PCDHA6: variants seen among roughly 807,000 people sequenced by gnomAD.
PCDHA6 encodes the protein protocadherin alpha-6.
A neutral mutation model predicts 60.3 loss-of-function variants in PCDHA6; 55 were observed. The observed-to-expected ratio is 0.91, with a 90% CI of 0.73 to 1.14. The LOEUF (loss-of-function observed/expected upper bound fraction) is 1.14. PCDHA6 is among the 50% of genes most tolerant of loss of function. The pLI, the probability that PCDHA6 is intolerant of heterozygous loss-of-function variation, is 0.00. For synonymous variants in PCDHA6, 652 were observed against 557.9 expected (o/e 1.17, Z -2.38); for missense variants, 1,327 against 1,256.5 (o/e 1.06, Z -0.85).
chr5:140,981,787 T>C (rs2096951436), intron 2 of PCDHA6, among the ~76,000 whole-genome samples: 1 of 152,116 alleles, frequency 6.6e-6, no homozygotes, highest in Non-Finnish European at 1.5e-5. Flanking sequence ...CCATGTTCTC[T>C]TTTCCCTTGA....
At chr5:140,882,088 T>G (rs1334008975) in intron 1 of PCDHA6, 3 of 1,087,274 alleles carry the variant, frequency 2.8e-6, no homozygotes, top group African/African-American at 1.6e-5. Flanking sequence ...CGCTCTTCAC[T>G]GAGAACGTTT....
At chr5:140,923,888 G>A (rs575485843) in intron 1 of PCDHA6, among the ~76,000 whole-genome samples, 1 of 152,294 alleles carries the variant, frequency 6.6e-6, no homozygotes, top group Admixed American at 6.5e-5. Context: ...GTGTGAAAGA[G>A]GAGGAGTTTC....
Position 140,842,949 on chromosome 5 carries a change from C to T in PCDHA6, c.2394+12464C>T. On this transcript the variant is annotated intron_variant, in intron 1 of 3. Coordinates refer to ENST00000529310, the MANE Select transcript of PCDHA6 (RefSeq NM_018909.4). Reference sequence around the variant, plus strand: ...GTGAGCGCGCGCGACGCGGGCGTGCCGCCTCTGGGCAGCAACGTGACGCTG... The same window carrying T: ...GTGAGCGCGCGCGACGCGGGCGTGCTGCCTCTGGGCAGCAACGTGACGCTG... The T allele has an allele frequency of 3.1e-6, 5 of 1,594,666 alleles. 1 individual carries two copies. The highest frequency in any genetic ancestry group is 4.3e-6 in the Non-Finnish European group (5 of 1,165,460).
chr5:140,972,552 T>G (rs1247039171), intron 1 of PCDHA6, among the ~76,000 whole-genome samples: 1 of 152,160 alleles, frequency 6.6e-6, no homozygotes, highest in Admixed American at 6.5e-5. Flanking sequence ...CAGTGAGGAT[T>G]CTGAAGTAAC....
In PCDHA6 at chr5:140,839,872, A is replaced by G. The variant is rs1331265354; in HGVS notation, c.2394+9387A>G. ...TTACTTTTGAGGTGGACTTTGAAAG[A>G]TGAATAGAATTTTGACAGAAAAAGA... is the stretch of plus-strand genomic sequence containing the variant. On this transcript the variant is annotated intron_variant, in intron 1 of 3. Coordinates refer to ENST00000529310, the MANE Select transcript of PCDHA6 (RefSeq NM_018909.4). Among the ~76,000 whole-genome samples, 10 of 152,164 alleles carry G rather than the reference A, an allele frequency of 6.6e-5. 1 individual carries two copies. Among genetic ancestry groups the G allele is most frequent in the African/African-American group, 1.9e-4 (8 of 41,502 alleles).
Position 141,010,440 on chromosome 5 carries a change from A to G in PCDHA6, c.*503A>G, listed in dbSNP as rs1279403327. 3 of 984,540 alleles carry G rather than the reference A, an allele frequency of 3.0e-6. No individual in the cohort carries two copies. Among genetic ancestry groups the G allele is most frequent in the Admixed American group, 5.9e-5 (2 of 34,150 alleles). The allele number at this position is 984,540 out of a possible 1,614,324, so 61.0% of individuals were successfully genotyped here. On this transcript the variant is annotated 3_prime_UTR_variant, in exon 4 of 4. Transcript: ENST00000529310. The stretch of plus-strand genomic sequence containing the variant: ...CAAGGAAGGCAAGAAAACAAAGACA[A>G]ATAAACAGCGGAAGTTATCAGTATG...
Position 140,858,600 on chromosome 5 carries a change from TA to T in PCDHA6, c.2394+28119del, listed in dbSNP as rs1554151860. 9.3e-6 allele frequency: 12 copies of T among 1,293,864 alleles called. 1 individual carries two copies. Among genetic ancestry groups the T allele is most frequent in the Non-Finnish European group, 1.3e-5 (12 of 949,282 alleles). 80.1% of individuals were successfully genotyped at this position (1,293,864 alleles called of 1,614,324 possible). ...GTAATATAATTTATTCCAGGAGTTT[TA>T]AAATTTTTTTATCCTACCCAGTGTG... is the stretch of plus-strand genomic sequence containing the variant. On this transcript the variant is annotated intron_variant, in intron 1 of 3. Coordinates refer to ENST00000529310, the MANE Select transcript of PCDHA6 (RefSeq NM_018909.4).
intron 3 of PCDHA6, among the ~76,000 whole-genome samples, chr5:141,008,010 T>C (rs2098356270): frequency 6.6e-6 from 1 of 152,214 alleles, no homozygotes; most frequent in African/African-American, 2.4e-5. Context: ...TAAACTTCTG[T>C]TTCCTTTTTT....
Position 140,828,295 on chromosome 5 carries a change from C to CA in PCDHA6, c.207dup (p.Asp70ArgfsTer58). On this transcript the variant is annotated frameshift_variant, in exon 1 of 4. Transcript: ENST00000529310. LOFTEE classifies it high-confidence loss of function. The stretch of plus-strand genomic sequence containing the variant: ...TGCCGCGCCTGTTCAGGATGGCCTC[C>CA]AAAGACCGCGAGGACCTTCTGGAGG... 6.2e-7 allele frequency: 1 copy of CA among 1,614,124 alleles called. No individual in the cohort carries two copies. The highest frequency in any genetic ancestry group is 8.5e-7 in the Non-Finnish European group (1 of 1,180,038).
At chr5:140,899,789 G>A (rs1200461877) in intron 1 of PCDHA6, among the ~76,000 whole-genome samples, 17 of 152,024 alleles carry the variant, frequency 1.1e-4, no homozygotes, top group Admixed American at 9.8e-4. Context: ...GGTATAATTC[G>A]GCTGTGAATC....
At chr5:140,965,352 T>C (rs1474672624) in intron 1 of PCDHA6, among the ~76,000 whole-genome samples, 1 of 152,166 alleles carries the variant, frequency 6.6e-6, no homozygotes, top group Admixed American at 6.5e-5. Context: ...GTTGCCTCTA[T>C]AGCAGTACAA....
chr5:140,891,096 T>A (rs926770209), intron 1 of PCDHA6, among the ~76,000 whole-genome samples: 1 of 152,210 alleles, frequency 6.6e-6, no homozygotes, highest in African/African-American at 2.4e-5. Context: ...ATTGTTGCTG[T>A]CAAGAATTTA....
chr5:140,891,742 A>T (rs2063228656), intron 1 of PCDHA6, among the ~76,000 whole-genome samples: 1 of 152,150 alleles, frequency 6.6e-6, no homozygotes, highest in African/African-American at 2.4e-5. Context: ...TCAATCCCTT[A>T]TACAACAGTG....
chr5:140,835,788 C>A (rs2150244691), intron 1 of PCDHA6: 4 of 1,613,044 alleles, frequency 2.5e-6, no homozygotes, highest in South Asian at 2.2e-5. Flanking sequence ...GGAGAACAAC[C>A]CGCCGGGCTG....
At chr5:140,876,709 C>T (rs782033453) in intron 1 of PCDHA6, 1 of 1,614,248 alleles carries the variant, frequency 6.2e-7, no homozygotes, top group Non-Finnish European at 8.5e-7. Context: ...GGACAGCGCC[C>T]TGGACCGCGA....
chr5:140,920,841 T>TAA (rs781921146), intron 1 of PCDHA6, among the ~76,000 whole-genome samples: 36 of 109,202 alleles, frequency 3.3e-4, no homozygotes, highest in African/African-American at 8.5e-4. Flanking sequence ...AGACCAAATC[T>TAA]AAAAAAAAAA....
rs199520871 is a variant in PCDHA6 at position 140,848,784 on chromosome 5, G to C, written c.2394+18299G>C. 5.5e-5 allele frequency: 88 copies of C among 1,593,310 alleles called. 12 individuals are homozygous for C. Among genetic ancestry groups the C allele is most frequent in the Non-Finnish European group, 6.9e-5 (80 of 1,164,078 alleles). On this transcript the variant is annotated intron_variant, in intron 1 of 3. Coordinates refer to ENST00000529310, the MANE Select transcript of PCDHA6 (RefSeq NM_018909.4). ...TCGGATCGACCGCGAGGAGCTGTGC[G>C]GGCGGAGCGCGGAGTGCAGCATCCA...
At position 140,992,285 on chromosome 5, in the gene PCDHA6, A is replaced by G. The variant is rs114469876; in HGVS notation, c.2542+9722A>G. On this transcript the variant is annotated intron_variant, in intron 3 of 3. Transcript: ENST00000529310. ...AGTTCTTTTCGTAGCACATCCCTGCAAAGGATGGGAGTATTGTTTTGGTGG... is the reference window on the plus strand; with the variant it reads ...AGTTCTTTTCGTAGCACATCCCTGCGAAGGATGGGAGTATTGTTTTGGTGG... 2.6e-3 allele frequency among the ~76,000 whole-genome samples: 395 copies of G among 152,336 alleles called. 1 individual carries two copies. The highest frequency in any genetic ancestry group is 8.7e-3 in the African/African-American group (360 of 41,578).
chr5:140,888,945 T>G (rs2062037344), intron 1 of PCDHA6, among the ~76,000 whole-genome samples: 1 of 152,102 alleles, frequency 6.6e-6, no homozygotes, highest in African/African-American at 2.4e-5. Context: ...GAGGTATAAA[T>G]TTTTTCTTTG....
Sources: gnomAD v4.1 joint callset for allele counts (sites outside exome capture counted in the v4.1 genomes callset) on GRCh38, gnomAD v4.1.1 for gene constraint, MANE v1.5 for transcripts, NCBI Gene and HGNC (gene_info 2026-07-23, HGNC 2026-07-21) for gene names.